Variants in KLRG1 observed in about 807,000 individuals in gnomAD.
The protein encoded by KLRG1 is killer cell lectin like receptor G1, also known as killer cell lectin-like receptor subfamily G member 1.
Under a neutral mutation model 21.8 loss-of-function variants are expected in KLRG1, and 16 were observed. The ratio of observed to expected loss-of-function variants is 0.73; its 90% CI spans 0.50 to 1.11. KLRG1 has a LOEUF of 1.11. Among genes scored for constraint, KLRG1 ranks in the 50% most tolerant of loss-of-function variants. The pLI is 0.00. For missense variants in KLRG1, 173 were observed against 218.3 expected (o/e 0.79, Z 1.31); for synonymous variants, 69 against 75.9 (o/e 0.91, Z 0.47).
the KLRG1 span, chr12:9,154,778 T>A: frequency 6.2e-7 from 1 of 1,613,880 alleles, no homozygotes; most frequent in Non-Finnish European, 8.5e-7. Context: ...GAGCCTGGGT[T>A]TGGTAAAGAT....
chr12:9,112,074 C>T, the KLRG1 span: 2 of 1,280,732 alleles, frequency 1.6e-6, no homozygotes, highest in East Asian at 2.3e-5. Flanking sequence ...GATTCTTCCT[C>T]TCCCTGGTCT....
the KLRG1 span, among the ~76,000 whole-genome samples, chr12:9,114,980 G>A: frequency 1.3e-5 from 2 of 152,062 alleles, no homozygotes; most frequent in Admixed American, 1.3e-4. Flanking sequence ...TTCCCCCAGT[G>A]AATTTATGCA....
the KLRG1 span, among the ~76,000 whole-genome samples, chr12:9,120,886 T>TGTGTGTGTA: frequency 0.01 from 1,512 of 147,854 alleles, 11 homozygotes; most frequent in South Asian, 0.03. Flanking sequence ...TGTGTGTGTA[T>TGTGTGTGTA]TTTTTTTTTT....
upstream of KLRG1, among the ~76,000 whole-genome samples, chr12:8,986,734 C>T (rs950759753): frequency 9.2e-5 from 14 of 152,144 alleles, no homozygotes; most frequent in African/African-American, 3.4e-4. Context: ...TCTGCATCCC[C>T]ACCCAAATCT....
the KLRG1 span, among the ~76,000 whole-genome samples, chr12:9,166,707 G>C: frequency 6.6e-6 from 1 of 152,068 alleles, no homozygotes; most frequent in Non-Finnish European, 1.5e-5. Context: ...TTGTTCTCTG[G>C]GAAATAAGAT....
chr12:9,057,203 G>A, the KLRG1 span, among the ~76,000 whole-genome samples: 1 of 152,164 alleles, frequency 6.6e-6, no homozygotes, highest in East Asian at 1.9e-4. Flanking sequence ...TAAGAATTGA[G>A]GTTTGGCCTC....
At chr12:9,200,290 A>G in the KLRG1 span, 1 of 1,000,626 alleles carries the variant, frequency 1.0e-6, no homozygotes, top group Non-Finnish European at 1.5e-6. Flanking sequence ...AAGTAAATTT[A>G]TAATTTTGTA....
chr12:9,161,020 G>A, the KLRG1 span: 1 of 1,550,800 alleles, frequency 6.4e-7, no homozygotes, highest in South Asian at 1.1e-5. Context: ...TTACTAAATG[G>A]AAGGTGACTC....
the KLRG1 span, among the ~76,000 whole-genome samples, chr12:9,034,293 T>C: frequency 6.6e-6 from 1 of 152,200 alleles, no homozygotes; most frequent in Non-Finnish European, 1.5e-5. Flanking sequence ...AACACATTAC[T>C]CATTACTCAC....
chr12:9,197,384 A>G, the KLRG1 span, among the ~76,000 whole-genome samples: 2 of 142,010 alleles, frequency 1.4e-5, no homozygotes, highest in African/African-American at 5.2e-5. Flanking sequence ...TATTTAATAT[A>G]TAATATTATA....
the KLRG1 span, among the ~76,000 whole-genome samples, chr12:9,078,899 T>A: frequency 6.6e-6 from 1 of 152,352 alleles, no homozygotes; most frequent in Admixed American, 6.5e-5. Flanking sequence ...TGTGACAATA[T>A]AAGCTGAAGT....
the KLRG1 span, among the ~76,000 whole-genome samples, chr12:9,078,112 T>G: frequency 1.3e-5 from 2 of 152,204 alleles, no homozygotes; most frequent in African/African-American, 4.8e-5. Flanking sequence ...GTGCAGAACG[T>G]GCAGGTTTGT....
the KLRG1 span, chr12:9,112,747 A>G: frequency 1.8e-6 from 1 of 555,208 alleles, no homozygotes. Flanking sequence ...AATCAGTAAG[A>G]GAGGTTGTAA....
chr12:9,121,952 G>T, the KLRG1 span, among the ~76,000 whole-genome samples: 175 of 152,258 alleles, frequency 1.1e-3, 1 homozygote, highest in Non-Finnish European at 2.1e-3. This position sits in a 1 kb window ranked among gnomAD's most constrained non-coding sequence, Gnocchi z 4.4. Context: ...ATGGGGAGGG[G>T]AGCATGATCT....
chr12:9,162,579 A>G, the KLRG1 span: 1 of 1,545,774 alleles, frequency 6.5e-7, no homozygotes, highest in Non-Finnish European at 8.9e-7. Context: ...CACTATGATT[A>G]TGAAGATGGA....
At chr12:9,012,659 C>A (rs890810096), downstream of KLRG1, among the ~76,000 whole-genome samples, 4 of 151,840 alleles carry the variant, frequency 2.6e-5, no homozygotes, top group East Asian at 7.8e-4. Context: ...CTCTGTCTTG[C>A]AGCTTAGGTA....
At chr12:9,074,660 G>T in the KLRG1 span, 38 of 1,613,870 alleles carry the variant, frequency 2.4e-5, no homozygotes, top group South Asian at 1.2e-4. Flanking sequence ...GGCTGGCTGG[G>T]CCGTGAGATA....
At chr12:9,151,516 T>C in the KLRG1 span, 1 of 1,097,792 alleles carries the variant, frequency 9.1e-7, no homozygotes, top group Non-Finnish European at 1.3e-6. Flanking sequence ...AATGATTGTT[T>C]TCCTCATGTT....
At chr12:9,091,117 C>T in the KLRG1 span, 1 of 1,463,642 alleles carries the variant, frequency 6.8e-7, no homozygotes, top group African/African-American at 1.4e-5. Context: ...ATTTTGCATA[C>T]AAGAGTTTGC....
Sources: gnomAD v4.1 joint callset for allele counts (sites outside exome capture counted in the v4.1 genomes callset) on GRCh38, gnomAD v4.1.1 for gene constraint, Gnocchi (gnomAD v3.1) non-coding constraint, MANE v1.5 for transcripts, NCBI Gene and HGNC (gene_info 2026-07-23, HGNC 2026-07-21) for gene names.